GRM4: variants seen among roughly 807,000 people sequenced by gnomAD.
GRM4 encodes the protein metabotropic glutamate receptor 4.
GRM4 carries 28 observed loss-of-function variants against 81.7 expected under a neutral mutation model. The ratio of observed to expected loss-of-function variants is 0.34; its 90% CI spans 0.25 to 0.47. The LOEUF (loss-of-function observed/expected upper bound fraction) is 0.47. Among genes scored for constraint, GRM4 ranks in the 20% least tolerant of loss-of-function variants. GRM4 has a pLI of 1.00. For missense variants in GRM4, 948 were observed against 1,290.0 expected (o/e 0.73, Z 4.06); for synonymous variants, 488 against 528.8 (o/e 0.92, Z 1.06).
chr6:34,040,820 ACCAC>A (rs1204109265), intron 6 of GRM4, 72 bp from the exon 7 acceptor site: 2 of 1,325,628 alleles, frequency 1.5e-6, no homozygotes, highest in Middle Eastern at 3.6e-4. Context: ...TGGGGGCCAG[ACCAC>A]CCTCTGGCCA....
rs1764575011 is a variant in GRM4 at position 34,034,102 on chromosome 6, G to A, written c.2442+1566C>T. ...ACTCCTCAGATATGTCTCCAGCCCA[G>A]AACTTGCCCCTGAACTCCAGACTCC... On this transcript the variant is annotated intron_variant, in intron 9 of 10. Coordinates refer to ENST00000538487, the MANE Select transcript of GRM4 (RefSeq NM_000841.4). This position sits in a 1 kb window ranked among gnomAD's most constrained non-coding sequence, Gnocchi z 4.0. Among the ~76,000 whole-genome samples the A allele has an allele frequency of 6.6e-6, 1 of 152,186 alleles. No homozygotes were observed. Among genetic ancestry groups the A allele is most frequent in the African/African-American group, 2.4e-5 (1 of 41,448 alleles).
intron 8 of GRM4, 102 bp downstream of exon 8, chr6:34,040,076 T>C (rs749770534): frequency 3.2e-5 from 38 of 1,181,220 alleles, no homozygotes; most frequent in Non-Finnish European, 4.5e-5. Context: ...GCAGCGGTCC[T>C]GGAGGTCAGG....
chr6:34,076,996 G>A (rs1039339907), intron 3 of GRM4, among the ~76,000 whole-genome samples: 3 of 151,654 alleles, frequency 2.0e-5, no homozygotes, highest in African/African-American at 7.3e-5. Flanking sequence ...GCAAGGGGCA[G>A]GGCCTCTTCC....
chr6:34,102,480 A>G (rs1376760299), intron 2 of GRM4, among the ~76,000 whole-genome samples: 1 of 151,938 alleles, frequency 6.6e-6, no homozygotes, highest in African/African-American at 2.4e-5. Context: ...CTTCCCCCAG[A>G]TATGCATGTG....
chr6:34,147,718 G>A (rs1229480427), upstream of GRM4, among the ~76,000 whole-genome samples: 1 of 152,138 alleles, frequency 6.6e-6, no homozygotes, highest in Admixed American at 6.5e-5. Flanking sequence ...CAAAAGATGG[G>A]TTTCCTTTTT....
intron 3 of GRM4, among the ~76,000 whole-genome samples, chr6:34,066,220 T>A (rs759960127): frequency 6.6e-6 from 1 of 151,974 alleles, no homozygotes; most frequent in Non-Finnish European, 1.5e-5. Flanking sequence ...CCCCGGCACG[T>A]GGGCACAGGA....
intron 5 of GRM4, among the ~76,000 whole-genome samples, chr6:34,058,068 C>T (rs1765996581): frequency 6.6e-6 from 1 of 152,064 alleles, no homozygotes; most frequent in African/African-American, 2.4e-5. Context: ...GAGGTGGTTC[C>T]AGAGCCTGAG....
chr6:34,079,808 T>C (rs1257051054), intron 3 of GRM4, among the ~76,000 whole-genome samples: 2 of 152,102 alleles, frequency 1.3e-5, no homozygotes, highest in African/African-American at 4.8e-5. Flanking sequence ...ACCCCAAATC[T>C]GTCCCTTCTT....
chr6:34,094,813 CG>C (rs1203226543), intron 2 of GRM4, among the ~76,000 whole-genome samples: 1 of 152,168 alleles, frequency 6.6e-6, no homozygotes, highest in East Asian at 1.9e-4. Context: ...GGGCTCAACC[CG>C]GGCCACACAG....
upstream of GRM4, among the ~76,000 whole-genome samples, chr6:34,146,410 C>A (rs1436726840): frequency 1.3e-5 from 2 of 152,204 alleles, no homozygotes; most frequent in African/African-American, 2.4e-5. Flanking sequence ...GCCTCCTGGT[C>A]GGCAGGCTGC....
chr6:34,118,817 C>T (rs74767264), intron 2 of GRM4, among the ~76,000 whole-genome samples: 1 of 152,178 alleles, frequency 6.6e-6, no homozygotes, highest in African/African-American at 2.4e-5. Context: ...AGGAAAAACC[C>T]ACCTCCTGGT....
intron 2 of GRM4, among the ~76,000 whole-genome samples, chr6:34,108,278 G>T (rs572274138): frequency 3.3e-5 from 5 of 152,216 alleles, no homozygotes; most frequent in African/African-American, 1.2e-4. Context: ...CCTAACAGCC[G>T]CTATAATAAG....
In GRM4 at chr6:34,068,552, C is replaced by A. The variant is rs1466566749; in HGVS notation, c.737-6524G>T. 6.6e-6 allele frequency among the ~76,000 whole-genome samples: 1 copy of A among 152,046 alleles called. No homozygotes were observed. Among genetic ancestry groups the A allele is most frequent in the African/African-American group, 2.4e-5 (1 of 41,382 alleles). ...CCCCACCCCACCTGTCTCAAAAAGTCCCCCCTCCATCCTGCAAGGCCAGCC... is the reference window on the plus strand; with the variant it reads ...CCCCACCCCACCTGTCTCAAAAAGTACCCCCTCCATCCTGCAAGGCCAGCC... On this transcript the variant is annotated intron_variant, in intron 3 of 10. Coordinates refer to ENST00000538487, the MANE Select transcript of GRM4 (RefSeq NM_000841.4). This position sits in a 1 kb window ranked among gnomAD's most constrained non-coding sequence, Gnocchi z 4.2.
In GRM4 at chr6:34,078,452, G is replaced by A. The variant is rs1188353110; in HGVS notation, c.736+13431C>T. Among the ~76,000 whole-genome samples, 1 of 152,142 alleles carries A rather than the reference G, an allele frequency of 6.6e-6. No homozygotes were observed. The highest frequency in any genetic ancestry group is 1.5e-5 in the Non-Finnish European group (1 of 68,032). On this transcript the variant is annotated intron_variant, in intron 3 of 10. Transcript: ENST00000538487. This position sits in a 1 kb window ranked among gnomAD's most constrained non-coding sequence, Gnocchi z 4.8. ...AGGAAACCAAGCCCCACCAGCCAGA[G>A]CCCAGTGCTGCGGTCCACACCTTCC... is the stretch of plus-strand genomic sequence containing the variant.
chr6:34,071,192 CACAG>C (rs1282496936), intron 3 of GRM4, among the ~76,000 whole-genome samples: 3 of 150,358 alleles, frequency 2.0e-5, no homozygotes, highest in African/African-American at 2.5e-5. Flanking sequence ...CCTAGCCACA[CACAG>C]ACACACACCT....
rs144522153 is a variant in GRM4, at chr6:34,100,267, G to A, written c.520-8168C>T. 4.6e-3 allele frequency among the ~76,000 whole-genome samples: 697 copies of A among 152,246 alleles called. 2 individuals carry two copies. Among genetic ancestry groups the A allele is most frequent in the African/African-American group, 0.016 (665 of 41,524 alleles). Reference sequence around the variant, plus strand: ...CCTCCCTTGCTCTGCTCCTCCCCCCGGTCTGGAGATGGACCTCCCCTCTGC... The same window carrying A: ...CCTCCCTTGCTCTGCTCCTCCCCCCAGTCTGGAGATGGACCTCCCCTCTGC... On this transcript the variant is annotated intron_variant, in intron 2 of 10. Transcript: ENST00000538487.
At chr6:34,148,860 C>A (rs1382539567), upstream of GRM4, among the ~76,000 whole-genome samples, 2 of 152,204 alleles carry the variant, frequency 1.3e-5, no homozygotes, top group Admixed American at 6.5e-5. Context: ...GCCTGCTACT[C>A]GTGGAGTAAG....
rs1211346572 is a variant in GRM4 at position 34,042,892 on chromosome 6, G to C, written c.1169-2144C>G. Reference sequence around the variant, plus strand: ...AGTGGCCACACCCACACAAGGATGTGGGGATGGGGGATAGCTGGCCTGGTC... The same window carrying C: ...AGTGGCCACACCCACACAAGGATGTCGGGATGGGGGATAGCTGGCCTGGTC... On this transcript the variant is annotated intron_variant, in intron 6 of 10. Transcript: ENST00000538487. The surrounding 1 kb of genome is among the most constrained non-coding windows in gnomAD (Gnocchi z 4.2). 1.3e-5 allele frequency among the ~76,000 whole-genome samples: 2 copies of C among 152,174 alleles called. No individual in the cohort carries two copies. Among genetic ancestry groups the C allele is most frequent in the Admixed American group, 6.5e-5 (1 of 15,282 alleles).
chr6:34,112,685 G>C (rs1038215495), intron 2 of GRM4, among the ~76,000 whole-genome samples: 2 of 152,070 alleles, frequency 1.3e-5, no homozygotes, highest in African/African-American at 4.8e-5. Context: ...GGAGGCGGCA[G>C]GGGAAGCTCA....
Sources: allele counts gnomAD v4.1 joint callset (sites outside exome capture counted in the v4.1 genomes callset), GRCh38; gene constraint gnomAD v4.1.1; non-coding constraint Gnocchi (gnomAD v3.1); transcripts MANE v1.5; gene names NCBI Gene and HGNC (gene_info 2026-07-23, HGNC 2026-07-21).